Variants in USH2A observed in about 807,000 individuals in gnomAD.
USH2A encodes usherin.
A neutral mutation model predicts 538.9 loss-of-function variants in USH2A; 443 were observed. The ratio of observed to expected loss-of-function variants is 0.82; its 90% CI spans 0.76 to 0.89. USH2A has a LOEUF of 0.89. Ranked by LOEUF, USH2A falls within the 40% of genes least tolerant of loss-of-function variation. USH2A has a pLI of 0.00. For synonymous variants in USH2A, 2,413 were observed against 2,273.5 expected, an observed-to-expected ratio of 1.06 and a Z score of -1.75; for missense variants, 6,633 against 6,324.8, an observed-to-expected ratio of 1.05 and a Z score of -1.65.
At chr1:215,865,990 A>G (rs903208179) in intron 44 of USH2A, among the ~76,000 whole-genome samples, 5 of 152,230 alleles carry the variant, frequency 3.3e-5, no homozygotes, top group Non-Finnish European at 5.9e-5. Flanking sequence ...TCACATGGTT[A>G]CATTGCCCAA....
intron 61 of USH2A, among the ~76,000 whole-genome samples, chr1:215,700,002 T>C (rs964093607): frequency 2.0e-5 from 3 of 152,072 alleles, no homozygotes; most frequent in African/African-American, 7.2e-5. Context: ...ATTTATTGAG[T>C]GGTTTTAGCA....
At chr1:216,391,840 T>A (rs1041627683) in intron 3 of USH2A, among the ~76,000 whole-genome samples, 14 of 152,370 alleles carry the variant, frequency 9.2e-5, no homozygotes, top group African/African-American at 2.9e-4. Context: ...CAGGTCTTAA[T>A]CCTATATTGA....
chr1:216,418,745 G>A, intron 2 of USH2A, 66 bp from the exon 3 acceptor site: 1 of 1,580,784 alleles, frequency 6.3e-7, no homozygotes, highest in East Asian at 2.3e-5. Context: ...CTAAGGTATT[G>A]TGCAGTTACA....
intron 2 of USH2A, among the ~76,000 whole-genome samples, chr1:216,420,119 A>T (rs2039650512): frequency 6.6e-6 from 1 of 151,714 alleles, no homozygotes; most frequent in Non-Finnish European, 1.5e-5. Flanking sequence ...TACTGAAGTG[A>T]ATTTGTTTTT....
intron 3 of USH2A, among the ~76,000 whole-genome samples, chr1:216,374,974 C>G (rs1353973336): frequency 1.3e-5 from 2 of 152,074 alleles, no homozygotes; most frequent in Non-Finnish European, 2.9e-5. Flanking sequence ...TTCAGTGTTA[C>G]TACTCCCAGG....
At chr1:215,636,177 TC>T (rs1463689985) in intron 69 of USH2A, among the ~76,000 whole-genome samples, 1 of 151,814 alleles carries the variant, frequency 6.6e-6, no homozygotes, top group African/African-American at 2.4e-5. Context: ...TGGACAAATC[TC>T]CCCCTTTTCA....
chr1:216,201,699 C>A (rs549607495), intron 16 of USH2A: 1 of 210,170 alleles, frequency 4.8e-6, no homozygotes. Flanking sequence ...GTGGGGGGCA[C>A]CTTGGGCACT....
At chr1:215,760,034 C>G (rs143167127) in intron 56 of USH2A, among the ~76,000 whole-genome samples, 191 bp from the exon 57 acceptor site, 1 of 151,894 alleles carries the variant, frequency 6.6e-6, no homozygotes, top group Non-Finnish European at 1.5e-5. Context: ...TTTTGAATTG[C>G]CTTTGGAAAG....
intron 9 of USH2A, among the ~76,000 whole-genome samples, chr1:216,319,059 C>A (rs1007026556): frequency 6.6e-5 from 10 of 152,168 alleles, no homozygotes; most frequent in Non-Finnish European, 2.9e-5. Flanking sequence ...AAGAACATAT[C>A]ATATGAAGGT....
intron 38 of USH2A, among the ~76,000 whole-genome samples, chr1:215,910,882 C>T (rs1571804428): frequency 6.6e-6 from 1 of 151,830 alleles, no homozygotes; most frequent in East Asian, 1.9e-4. Flanking sequence ...GCTCTGGATA[C>T]ATTATTTGTA....
At chr1:216,248,985 G>C (rs965764026) in intron 12 of USH2A, among the ~76,000 whole-genome samples, 2 of 151,986 alleles carry the variant, frequency 1.3e-5, no homozygotes, top group African/African-American at 4.8e-5. Flanking sequence ...ACTGGTGATA[G>C]AATCATTAGT....
chr1:216,309,500 T>C (rs2037382018), intron 9 of USH2A, among the ~76,000 whole-genome samples: 1 of 152,184 alleles, frequency 6.6e-6, no homozygotes, highest in African/African-American at 2.4e-5. Context: ...ATTTCTATTT[T>C]CTATATATCC....
chr1:215,803,582 T>A (rs976743490), intron 49 of USH2A, among the ~76,000 whole-genome samples: 3 of 152,118 alleles, frequency 2.0e-5, no homozygotes, highest in Non-Finnish European at 2.9e-5. Context: ...ACAAGGGATG[T>A]GAAGGACCTC....
At chr1:216,152,259 T>A (rs1395794078) in intron 21 of USH2A, among the ~76,000 whole-genome samples, 6 of 152,190 alleles carry the variant, frequency 3.9e-5, no homozygotes, top group Non-Finnish European at 5.9e-5. Context: ...GACCTGCACG[T>A]ATACGCCCAG....
chr1:216,125,302 C>CA (rs1449071255), intron 21 of USH2A, among the ~76,000 whole-genome samples: 1 of 151,650 alleles, frequency 6.6e-6, no homozygotes, highest in Non-Finnish European at 1.5e-5. Flanking sequence ...ATCTAAAACT[C>CA]AAACAATATG....
intron 32 of USH2A, among the ~76,000 whole-genome samples, chr1:216,015,477 C>A (rs917449522): frequency 2.0e-5 from 3 of 152,158 alleles, no homozygotes; most frequent in Admixed American, 6.5e-5. Flanking sequence ...CTCATAGGAG[C>A]CTTAACCTTG....
intron 15 of USH2A, among the ~76,000 whole-genome samples, chr1:216,213,676 A>G (rs1293725523): frequency 6.6e-6 from 1 of 152,014 alleles, no homozygotes; most frequent in African/African-American, 2.4e-5. Context: ...CATTGAGTCA[A>G]TCCAAAATTT....
intron 13 of USH2A, among the ~76,000 whole-genome samples, chr1:216,245,417 A>G (rs1162054216): frequency 2.0e-5 from 3 of 150,924 alleles, no homozygotes; most frequent in African/African-American, 7.3e-5. Context: ...ATTTCAGGGG[A>G]CATAGGGTGG....
rs1278040256 is a variant in USH2A at position 215,913,396 on chromosome 1, A to C, written c.7301-12491T>G. 3.9e-5 allele frequency among the ~76,000 whole-genome samples: 6 copies of C among 152,214 alleles called. No individual in the cohort carries two copies. In the East Asian group the frequency reaches 1.2e-3, roughly 30 times the overall value. The stretch of plus-strand genomic sequence containing the variant: ...TGGTTGAAAGAAGAAAGGCTTTCTA[A>C]GGAAGTGGTATTTAAGTTTGGACCT... On this transcript the variant is annotated intron_variant, in intron 38 of 71. Coordinates refer to ENST00000307340, the MANE Select transcript of USH2A (RefSeq NM_206933.4).
Sources: allele counts gnomAD v4.1 joint callset (sites outside exome capture counted in the v4.1 genomes callset), GRCh38; gene constraint gnomAD v4.1.1; transcripts MANE v1.5; gene names NCBI Gene and HGNC (gene_info 2026-07-23, HGNC 2026-07-21).